SLC12A8: variants seen among roughly 807,000 people sequenced by gnomAD.
SLC12A8 encodes the protein solute carrier family 12 member 8.
In SLC12A8, 69 loss-of-function variants were observed where a neutral mutation model predicts 75.6. The observed-to-expected ratio is 0.91, with a 90% CI of 0.75 to 1.11. The LOEUF (loss-of-function observed/expected upper bound fraction) is 1.11. Among genes scored for constraint, SLC12A8 ranks in the 50% most tolerant of loss-of-function variants. The pLI, the probability that SLC12A8 is intolerant of heterozygous loss-of-function variation, is 0.00. For synonymous variants in SLC12A8, 365 were observed against 372.8 expected (o/e 0.98, Z 0.24); for missense variants, 877 against 896.7 (o/e 0.98, Z 0.28).
chr3:125,188,240 C>T (rs925201683), intron 3 of SLC12A8, among the ~76,000 whole-genome samples: 6 of 152,182 alleles, frequency 3.9e-5, no homozygotes, highest in Non-Finnish European at 7.4e-5. Context: ...CTACGTGGCA[C>T]GCTGCTCCCT....
At chr3:125,098,887 C>T (rs1480307245) in intron 10 of SLC12A8, among the ~76,000 whole-genome samples, 2 of 152,098 alleles carry the variant, frequency 1.3e-5, no homozygotes, top group African/African-American at 2.4e-5. Flanking sequence ...GGGGAAAATC[C>T]TTGCTAGCCT....
intron 6 of SLC12A8, among the ~76,000 whole-genome samples, chr3:125,128,972 G>A (rs1403209340): frequency 6.6e-6 from 1 of 152,184 alleles, no homozygotes; most frequent in East Asian, 1.9e-4. Flanking sequence ...ACATGAGCAG[G>A]AGAGAGGAGT....
chr3:125,159,192 T>A (rs1470423795), intron 5 of SLC12A8, among the ~76,000 whole-genome samples: 2 of 152,232 alleles, frequency 1.3e-5, no homozygotes, highest in African/African-American at 4.8e-5. Flanking sequence ...ACCAGACTTA[T>A]CAGTTAAGAT....
intron 4 of SLC12A8, among the ~76,000 whole-genome samples, chr3:125,182,559 T>C (rs1245874305): frequency 2.6e-5 from 4 of 151,530 alleles, no homozygotes; most frequent in Non-Finnish European, 5.9e-5. Context: ...TAGGCTATAG[T>C]GCAGCGGCGT....
intron 5 of SLC12A8, among the ~76,000 whole-genome samples, chr3:125,159,268 C>CT (rs370266547): frequency 2.8e-4 from 41 of 149,066 alleles, no homozygotes; most frequent in African/African-American, 9.6e-4. Context: ...TATCAAAGAA[C>CT]TTTTTTTTTT....
intron 5 of SLC12A8, among the ~76,000 whole-genome samples, chr3:125,149,007 G>T (rs1933854720): frequency 6.6e-6 from 1 of 152,194 alleles, no homozygotes; most frequent in Non-Finnish European, 1.5e-5. Flanking sequence ...CCACCCCTCA[G>T]CGGTCACCCA....
intron 6 of SLC12A8, among the ~76,000 whole-genome samples, chr3:125,132,031 A>T (rs975746186): frequency 1.3e-5 from 2 of 152,200 alleles, no homozygotes; most frequent in Non-Finnish European, 2.9e-5. Flanking sequence ...CAGAGGCAGC[A>T]CAAACCTGAA....
At chr3:125,117,001 G>A (rs1045600319) in intron 8 of SLC12A8, among the ~76,000 whole-genome samples, 1 of 152,146 alleles carries the variant, frequency 6.6e-6, no homozygotes, top group African/African-American at 2.4e-5. Flanking sequence ...CTTGCCACCT[G>A]GGGGTCTGTG....
chr3:125,203,226 A>C (rs546969534), intron 2 of SLC12A8, among the ~76,000 whole-genome samples: 1 of 152,112 alleles, frequency 6.6e-6, no homozygotes, highest in Admixed American at 6.5e-5. Context: ...AAATAGAAAA[A>C]AAAAACCCTA....
At chr3:125,153,575 G>C (rs1356829824) in intron 5 of SLC12A8, among the ~76,000 whole-genome samples, 1 of 152,222 alleles carries the variant, frequency 6.6e-6, no homozygotes, top group Non-Finnish European at 1.5e-5. Flanking sequence ...GTCGCACTAA[G>C]TTCTGCCCCT....
intron 5 of SLC12A8, among the ~76,000 whole-genome samples, chr3:125,172,357 T>C (rs1419068108): frequency 6.6e-6 from 1 of 152,020 alleles, no homozygotes; most frequent in Non-Finnish European, 1.5e-5. Flanking sequence ...TGTCTCTCTC[T>C]GATTGTTTGC....
chr3:125,116,444 G>A (rs894324996), intron 8 of SLC12A8, among the ~76,000 whole-genome samples: 1 of 152,202 alleles, frequency 6.6e-6, no homozygotes, highest in Admixed American at 6.5e-5. Context: ...AGCTGGCTAA[G>A]TGCTTGCCTA....
At chr3:125,148,502 A>G (rs1933841145) in intron 5 of SLC12A8, among the ~76,000 whole-genome samples, 1 of 96,964 alleles carries the variant, frequency 1.0e-5, no homozygotes, top group Non-Finnish European at 1.9e-5. Context: ...AGTGGGGAGA[A>G]GAGTGGGGTG....
intron 8 of SLC12A8, 62 bp from the exon 9 acceptor site, chr3:125,110,397 C>T (rs567539615): frequency 1.3e-6 from 2 of 1,540,798 alleles, no homozygotes; most frequent in Non-Finnish European, 1.8e-6. Flanking sequence ...TTCTACCCCC[C>T]CAGCACCCAC....
At chr3:125,110,381 G>T (rs867930631) in intron 8 of SLC12A8, 46 bp from the exon 9 acceptor site, 2 of 1,590,386 alleles carry the variant, frequency 1.3e-6, no homozygotes, top group East Asian at 4.5e-5. Context: ...ACCTGCTCCT[G>T]TGCCTTTCTA....
At chr3:125,118,885 G>C in intron 7 of SLC12A8, 29 bp from the exon 8 acceptor site, 1 of 1,494,236 alleles carries the variant, frequency 6.7e-7, no homozygotes, top group African/African-American at 1.4e-5. Context: ...GAACAGAGCT[G>C]CCCCCGACTC....
intron 8 of SLC12A8, among the ~76,000 whole-genome samples, chr3:125,113,344 T>G (rs976798244): frequency 6.6e-6 from 1 of 152,238 alleles, no homozygotes; most frequent in Non-Finnish European, 1.5e-5. Context: ...AAACTATTAT[T>G]CAGTCTATTT....
intron 5 of SLC12A8, among the ~76,000 whole-genome samples, chr3:125,155,729 T>C (rs1296193320): frequency 3.1e-5 from 4 of 129,368 alleles, no homozygotes; most frequent in Non-Finnish European, 6.2e-5. Flanking sequence ...CCAGCCTGGG[T>C]GACACAGCGA....
chr3:125,140,476 T>A (rs1245173366), intron 5 of SLC12A8, among the ~76,000 whole-genome samples: 2 of 152,096 alleles, frequency 1.3e-5, no homozygotes, highest in East Asian at 3.9e-4. Context: ...CCAGGAAACA[T>A]GCCCACAGAG....
Sources: allele counts gnomAD v4.1 joint callset (sites outside exome capture counted in the v4.1 genomes callset), GRCh38; gene constraint gnomAD v4.1.1; transcripts MANE v1.5; gene names NCBI Gene and HGNC (gene_info 2026-07-23, HGNC 2026-07-21).